The following GMDS variants were observed in gnomAD, a reference collection of about 807,000 sequenced individuals.
GMDS encodes GDP-mannose 4,6 dehydratase.
GMDS carries 20 observed loss-of-function variants against 49.9 expected under a neutral mutation model. The observed-to-expected ratio is 0.40, with a 90% CI of 0.28 to 0.58. GMDS has a LOEUF of 0.58. Among genes scored for constraint, GMDS ranks in the 20% least tolerant of loss-of-function variants. The pLI is 0.42. For synonymous variants in GMDS, 177 were observed against 178.6 expected (o/e 0.99, Z 0.07); for missense variants, 362 against 481.4 (o/e 0.75, Z 2.32).
intron 7 of GMDS, among the ~76,000 whole-genome samples, chr6:1,903,251 A>T (rs991448199): frequency 1.2e-4 from 19 of 152,236 alleles, no homozygotes; most frequent in Non-Finnish European, 1.3e-4. Flanking sequence ...AAGTCATATA[A>T]TATGATCACG....
At chr6:1,979,184 T>C (rs879400487) in intron 4 of GMDS, among the ~76,000 whole-genome samples, 1 of 152,176 alleles carries the variant, frequency 6.6e-6, no homozygotes, top group African/African-American at 2.4e-5. Flanking sequence ...GGCTCAGAAC[T>C]GGGTTGAGGA....
In GMDS at chr6:2,107,041, C is replaced by A. The variant is rs115394607; in HGVS notation, c.345+8730G>T. Among the ~76,000 whole-genome samples the A allele has an allele frequency of 4.6e-3, 699 of 152,034 alleles. 1 individual carries two copies. Among genetic ancestry groups the A allele is most frequent in the Middle Eastern group, 0.01 (3 of 294 alleles). On this transcript the variant is annotated intron_variant, in intron 4 of 10. Transcript: ENST00000380815. ...ATAATGTTGCAATACTAAAATAATG[C>A]TACTCTGGATTTTATTTAGTAAACA... is the stretch of plus-strand genomic sequence containing the variant.
At chr6:2,219,532 C>T (rs566956874) in intron 1 of GMDS, among the ~76,000 whole-genome samples, 2 of 152,262 alleles carry the variant, frequency 1.3e-5, no homozygotes, top group Non-Finnish European at 2.9e-5. Context: ...CCATCATGAA[C>T]TGGTTCTTTT....
chr6:1,629,157 T>C (rs933975777), intron 9 of GMDS, among the ~76,000 whole-genome samples: 3 of 152,182 alleles, frequency 2.0e-5, no homozygotes, highest in African/African-American at 7.2e-5. Flanking sequence ...CCCAGAAAAT[T>C]TGCAATATAC....
chr6:1,686,654 T>C (rs1335066741), intron 9 of GMDS, among the ~76,000 whole-genome samples: 2 of 152,240 alleles, frequency 1.3e-5, no homozygotes, highest in Admixed American at 6.5e-5. Flanking sequence ...TAATGGAATG[T>C]ACTTATATGC....
At chr6:2,103,348 T>C (rs1225978489) in intron 4 of GMDS, among the ~76,000 whole-genome samples, 1 of 152,230 alleles carries the variant, frequency 6.6e-6, no homozygotes, top group Non-Finnish European at 1.5e-5. Flanking sequence ...AAAATAATTA[T>C]GTCAGAAATA....
chr6:1,651,637 A>C (rs1339900647), intron 9 of GMDS, among the ~76,000 whole-genome samples: 1 of 152,090 alleles, frequency 6.6e-6, no homozygotes, highest in African/African-American at 2.4e-5. Flanking sequence ...CTGGGAGAAA[A>C]CAGATTCAGA....
intron 8 of GMDS, among the ~76,000 whole-genome samples, chr6:1,727,298 C>A (rs1466134094): frequency 6.6e-6 from 1 of 152,160 alleles, no homozygotes; most frequent in East Asian, 1.9e-4. Flanking sequence ...TTCGAGATTA[C>A]CTTCTCGCTA....
At chr6:1,845,953 T>A (rs1757387420) in intron 7 of GMDS, among the ~76,000 whole-genome samples, 1 of 152,080 alleles carries the variant, frequency 6.6e-6, no homozygotes, top group East Asian at 1.9e-4. Context: ...TATTCAGGCA[T>A]GAGGACATAG....
chr6:2,091,802 C>T (rs1316168047), intron 4 of GMDS, among the ~76,000 whole-genome samples: 1 of 151,770 alleles, frequency 6.6e-6, no homozygotes, highest in East Asian at 1.9e-4. Flanking sequence ...ACTCGGGAGA[C>T]TGAGGTGGGA....
chr6:2,221,441 C>T (rs1047588809), intron 1 of GMDS, among the ~76,000 whole-genome samples: 2 of 151,864 alleles, frequency 1.3e-5, no homozygotes, highest in Admixed American at 6.6e-5. Context: ...AGTGCGGTGG[C>T]GCAATCTCGG....
chr6:2,061,718 CAAAAAAA>C (rs68037512), intron 4 of GMDS, among the ~76,000 whole-genome samples: 232 of 57,104 alleles, frequency 4.1e-3, no homozygotes, highest in African/African-American at 0.015. Context: ...GACTCTGTCT[CAAAAAAA>C]AAAAAAAAAA....
At chr6:1,905,598 T>C (rs3895318) in intron 7 of GMDS, among the ~76,000 whole-genome samples, 109,132 of 114,710 alleles carry the variant, frequency 0.95, 51,990 homozygotes, top group Non-Finnish European at 0.98. Flanking sequence ...TGGGTGTTGG[T>C]GTGTAGGTGG....
chr6:1,709,165 C>A (rs1436570668), intron 9 of GMDS, among the ~76,000 whole-genome samples: 1 of 152,226 alleles, frequency 6.6e-6, no homozygotes, highest in Non-Finnish European at 1.5e-5. Context: ...CCCACTGCAG[C>A]ACTGAGAAAA....
intron 9 of GMDS, among the ~76,000 whole-genome samples, chr6:1,719,279 C>T (rs754138021): frequency 2.0e-3 from 307 of 151,970 alleles, no homozygotes; most frequent in Non-Finnish European, 2.9e-3. Flanking sequence ...ATAGAGAAGC[C>T]GGCCTGGCAT....
intron 1 of GMDS, among the ~76,000 whole-genome samples, chr6:2,141,526 G>T (rs1289415981): frequency 1.3e-5 from 2 of 152,206 alleles, no homozygotes; most frequent in Admixed American, 1.3e-4. Context: ...CTACAGGTAG[G>T]TGCCCACCTC....
intron 1 of GMDS, among the ~76,000 whole-genome samples, chr6:2,151,908 T>C (rs551173736): frequency 6.6e-6 from 1 of 152,274 alleles, no homozygotes; most frequent in Non-Finnish European, 1.5e-5. Flanking sequence ...TATTTTTAAA[T>C]GTACCCCTTA....
intron 7 of GMDS, among the ~76,000 whole-genome samples, chr6:1,743,583 T>C (rs944907445): frequency 1.3e-5 from 2 of 151,906 alleles, no homozygotes; most frequent in African/African-American, 4.8e-5. Context: ...CAGGTTCACT[T>C]TCTCAGTAGG....
At position 2,014,124 on chromosome 6, in the gene GMDS, C is replaced by A. The variant is rs370194640; in HGVS notation, c.346-53158G>T. On this transcript the variant is annotated intron_variant, in intron 4 of 10. Transcript: ENST00000380815. ...ATACAACAAAATTATCCCCCCCCCC[C>A]AAAAAAATAAAAATAAAAACTTTCT... Among the ~76,000 whole-genome samples, 584 of 70,906 alleles carry A rather than the reference C, an allele frequency of 8.2e-3. 14 individuals are homozygous for A. The highest frequency in any genetic ancestry group is 0.048 in the Middle Eastern group (4 of 84). The allele number at this position is 70,906 out of a possible 152,430, so 46.5% of individuals were successfully genotyped here.
Sources: allele counts gnomAD v4.1 joint callset (sites outside exome capture counted in the v4.1 genomes callset), GRCh38; gene constraint gnomAD v4.1.1; transcripts MANE v1.5; gene names NCBI Gene and HGNC (gene_info 2026-07-23, HGNC 2026-07-21).